SPDYE14: variants seen among roughly 807,000 people sequenced by gnomAD.
SPDYE14 encodes speedy protein E14.
chr7:75,257,275 T>C, the SPDYE14 span, among the ~76,000 whole-genome samples: 1 of 114,280 alleles, frequency 8.8e-6, no homozygotes, highest in Non-Finnish European at 1.9e-5. Context: ...GTTGAATGAA[T>C]GAATGAATGA....
chr7:75,257,342 G>C, the SPDYE14 span, among the ~76,000 whole-genome samples: 2 of 98,960 alleles, frequency 2.0e-5, no homozygotes, highest in Admixed American at 2.2e-4. Flanking sequence ...TTAAGGGCAG[G>C]CTCCCTTTGT....
the SPDYE14 span, among the ~76,000 whole-genome samples, chr7:75,275,538 C>A: frequency 6.3e-5 from 3 of 47,906 alleles, no homozygotes; most frequent in African/African-American, 1.4e-4. Context: ...GCAGCATGCT[C>A]GTTAAGAGTC....
chr7:75,275,755 A>G, the SPDYE14 span, among the ~76,000 whole-genome samples: 1 of 49,948 alleles, frequency 2.0e-5, no homozygotes, highest in African/African-American at 4.8e-5. Context: ...AAAAAAAAAA[A>G]AAAAAAAAGT....
At chr7:75,245,147 G>C in the SPDYE14 span, among the ~76,000 whole-genome samples, 85 of 71,040 alleles carry the variant, frequency 1.2e-3, no homozygotes, top group East Asian at 4.4e-3. Context: ...GCTGGGTGCA[G>C]TGGCTCACGC....
the SPDYE14 span, among the ~76,000 whole-genome samples, chr7:75,276,578 C>CA: frequency 0.084 from 860 of 10,252 alleles, 138 homozygotes; most frequent in African/African-American, 0.14. Flanking sequence ...GACTCTGTCT[C>CA]AAAAAAAAAA....
chr7:75,241,581 T>G, the SPDYE14 span, among the ~76,000 whole-genome samples: 173 of 10,326 alleles, frequency 0.017, 4 homozygotes, highest in South Asian at 0.041. Context: ...TTTAATCTTG[T>G]CCATGTGTGT....
At chr7:75,241,669 TAAAA>T in the SPDYE14 span, among the ~76,000 whole-genome samples, 6 of 22,672 alleles carry the variant, frequency 2.6e-4, 1 homozygote, top group African/African-American at 5.3e-4. Flanking sequence ...TGGGTCTTGG[TAAAA>T]AAAAAAAATA....
At chr7:75,279,510 G>C in the SPDYE14 span, among the ~76,000 whole-genome samples, 1 of 86,528 alleles carries the variant, frequency 1.2e-5, no homozygotes, top group Non-Finnish European at 2.3e-5. Flanking sequence ...CAGTGCAAAT[G>C]GTATGATCTT....
the SPDYE14 span, among the ~76,000 whole-genome samples, chr7:75,261,020 G>C: frequency 1.4e-5 from 1 of 73,258 alleles, no homozygotes; most frequent in Admixed American, 2.0e-4. Context: ...AGCTACTGGG[G>C]AGGCTGAGGC....
the SPDYE14 span, among the ~76,000 whole-genome samples, chr7:75,245,290 A>T: frequency 1.9e-5 from 1 of 51,864 alleles, no homozygotes; most frequent in Non-Finnish European, 3.5e-5. Flanking sequence ...GAATGGTCGC[A>T]TGTGCCTGTA....
chr7:75,254,177 C>T, the SPDYE14 span, among the ~76,000 whole-genome samples: 1 of 48,122 alleles, frequency 2.1e-5, no homozygotes, highest in Non-Finnish European at 5.1e-5. Flanking sequence ...GAGATTGCAC[C>T]ACTGCACTCC....
chr7:75,264,550 A>C, the SPDYE14 span, among the ~76,000 whole-genome samples: 91 of 57,418 alleles, frequency 1.6e-3, 34 homozygotes, highest in African/African-American at 3.7e-3. Flanking sequence ...TCTTTATTTT[A>C]ACTGCTACAA....
chr7:75,265,290 G>C, the SPDYE14 span, among the ~76,000 whole-genome samples: 3 of 101,666 alleles, frequency 3.0e-5, 1 homozygote, highest in African/African-American at 1.1e-4. Flanking sequence ...TTCATTTTTA[G>C]TAGAGGCAGG....
At chr7:75,254,153 G>A in the SPDYE14 span, among the ~76,000 whole-genome samples, 1 of 46,760 alleles carries the variant, frequency 2.1e-5, no homozygotes, top group Non-Finnish European at 5.3e-5. Context: ...GGGAGGCGGA[G>A]GTTGCAGTGA....
At chr7:75,261,453 C>CTTTTTTT in the SPDYE14 span, among the ~76,000 whole-genome samples, 13 of 39,932 alleles carry the variant, frequency 3.3e-4, no homozygotes, top group African/African-American at 1.2e-3. Flanking sequence ...TCAAGAACAC[C>CTTTTTTT]TTTTTTTTTT....
chr7:75,265,239 A>G, the SPDYE14 span, among the ~76,000 whole-genome samples: 2 of 95,978 alleles, frequency 2.1e-5, 1 homozygote, highest in Non-Finnish European at 4.2e-5. Context: ...AGCTGGGATT[A>G]CAAGCGCACA....
At chr7:75,279,367 ACC>A in the SPDYE14 span, among the ~76,000 whole-genome samples, 1 of 81,984 alleles carries the variant, frequency 1.2e-5, no homozygotes, top group African/African-American at 5.4e-5. Flanking sequence ...GCTCACTGCA[ACC>A]TCCGCCTCCT....
the SPDYE14 span, among the ~76,000 whole-genome samples, chr7:75,254,744 T>C: frequency 1.2e-3 from 3 of 2,446 alleles, no homozygotes; most frequent in Non-Finnish European, 2.1e-3. Context: ...CCTTCCCCTC[T>C]CCTTCCCCTC....
chr7:75,265,086 C>T, the SPDYE14 span, among the ~76,000 whole-genome samples: 1 of 21,188 alleles, frequency 4.7e-5, no homozygotes, highest in African/African-American at 1.3e-4. Context: ...TCTCCCCCTT[C>T]CCCTCCCCTC....
Sources: allele counts gnomAD v4.1 joint callset (sites outside exome capture counted in the v4.1 genomes callset), GRCh38; gene constraint gnomAD v4.1.1; transcripts MANE v1.5; gene names NCBI Gene and HGNC (gene_info 2026-07-23, HGNC 2026-07-21).